Variants in TBC1D19 observed in about 807,000 individuals in gnomAD.
TBC1D19 encodes TBC1 domain family, member 19.
Under a neutral mutation model 89.0 loss-of-function variants are expected in TBC1D19, and 60 were observed. The ratio of observed to expected loss-of-function variants is 0.67; its 90% CI spans 0.55 to 0.84. The LOEUF (loss-of-function observed/expected upper bound fraction) is 0.84, where lower values mean the gene tolerates loss of function less well. TBC1D19 is among the 40% of genes least tolerant of loss of function. The pLI is 0.00. For missense variants in TBC1D19, 500 were observed against 610.8 expected (o/e 0.82, Z 1.91); for synonymous variants, 189 against 199.7 (o/e 0.95, Z 0.45).
At chr4:26,800,833 C>T in the TBC1D19 span, among the ~76,000 whole-genome samples, 546 of 150,288 alleles carry the variant, frequency 3.6e-3, 4 homozygotes, top group African/African-American at 0.012. Context: ...TCATATCCTT[C>T]GCCCACTTTT....
chr4:26,599,763 C>A (rs1453425344), intron 1 of TBC1D19, among the ~76,000 whole-genome samples: 1 of 151,974 alleles, frequency 6.6e-6, no homozygotes, highest in East Asian at 1.9e-4. Flanking sequence ...CTGGGCAACA[C>A]AGTGAAGCCA....
intron 15 of TBC1D19, among the ~76,000 whole-genome samples, chr4:26,721,843 T>C (rs1336221163): frequency 1.3e-5 from 2 of 152,204 alleles, no homozygotes; most frequent in Non-Finnish European, 2.9e-5. Flanking sequence ...TGCTGCTTCC[T>C]GTCTCATCAC....
At chr4:26,589,411 T>G (rs1337787264) in intron 1 of TBC1D19, among the ~76,000 whole-genome samples, 1 of 152,230 alleles carries the variant, frequency 6.6e-6, no homozygotes, top group Non-Finnish European at 1.5e-5. Flanking sequence ...TTCTGTCTCC[T>G]TGCCTGTTCC....
rs530689791 is a variant in TBC1D19, at chr4:26,576,798, G to A, written c.6+1G>A. 2.0e-5 allele frequency: 9 copies of A among 456,088 alleles called. No individual in the cohort carries two copies. Among genetic ancestry groups the A allele is most frequent in the Middle Eastern group, 3.2e-4 (1 of 3,098 alleles). 28.3% of individuals were successfully genotyped at this position (456,088 alleles called of 1,614,324 possible). On this transcript the variant is annotated splice_donor_variant, in intron 1 of 12. Coordinates refer to the TBC1D19 transcript ENST00000512840. LOFTEE classifies it high-confidence loss of function. ...AGTAAAATAAGACTCTGGGATGAAG[G>A]TATGACCAGGACAAGGGCCAGGTAT... is the stretch of plus-strand genomic sequence containing the variant.
chr4:26,605,295 C>T (rs368496122), intron 1 of TBC1D19, among the ~76,000 whole-genome samples: 2 of 144,516 alleles, frequency 1.4e-5, no homozygotes, highest in Non-Finnish European at 3.0e-5. Flanking sequence ...TGAGTGAGAA[C>T]ATGCGGTGTT....
At chr4:26,728,531 G>A (rs561240318) in intron 15 of TBC1D19, among the ~76,000 whole-genome samples, 109 of 152,188 alleles carry the variant, frequency 7.2e-4, no homozygotes, top group African/African-American at 2.4e-3. Flanking sequence ...AAAGATGGGC[G>A]GAAGAAAAAG....
At chr4:26,744,123 G>T (rs1274346103) in intron 18 of TBC1D19, among the ~76,000 whole-genome samples, 2 of 151,612 alleles carry the variant, frequency 1.3e-5, no homozygotes, top group East Asian at 3.9e-4. Context: ...AGCTTCAGTA[G>T]TTTATGTCTT....
At chr4:26,827,044 C>A in the TBC1D19 span, among the ~76,000 whole-genome samples, 1 of 152,084 alleles carries the variant, frequency 6.6e-6, no homozygotes, top group South Asian at 2.1e-4. Context: ...TTTATTGAAT[C>A]GTATCATGGA....
chr4:26,691,113 A>G (rs527543023), intron 13 of TBC1D19, among the ~76,000 whole-genome samples: 1 of 152,352 alleles, frequency 6.6e-6, no homozygotes, highest in African/African-American at 2.4e-5. Context: ...AGTAACGGTC[A>G]CTGTGGTGGG....
chr4:26,598,940 A>C (rs935531300), intron 1 of TBC1D19, among the ~76,000 whole-genome samples: 3 of 151,520 alleles, frequency 2.0e-5, no homozygotes, highest in African/African-American at 7.3e-5. Context: ...AAGTTAGAAA[A>C]TAGACAAAAT....
At chr4:26,793,967 T>C in the TBC1D19 span, among the ~76,000 whole-genome samples, 59 of 152,278 alleles carry the variant, frequency 3.9e-4, no homozygotes, top group Admixed American at 1.1e-3. Context: ...GACCATTGGC[T>C]GATCCCAGAC....
At chr4:26,843,273 A>G in the TBC1D19 span, among the ~76,000 whole-genome samples, 1 of 152,210 alleles carries the variant, frequency 6.6e-6, no homozygotes, top group Admixed American at 6.5e-5. Flanking sequence ...GTCCATACAT[A>G]TCAATGTCAC....
intron 13 of TBC1D19, among the ~76,000 whole-genome samples, chr4:26,701,353 GCTTTTGAAGTACTGTGTAGTA>G (rs1230783358): frequency 6.6e-6 from 1 of 152,064 alleles, no homozygotes; most frequent in Non-Finnish European, 1.5e-5. Context: ...TCTAATATGT[GCTTTTGAAGTACTGTGTAGTA>G]CTTTCCATAC....
chr4:26,637,665 C>T (rs887908245), intron 5 of TBC1D19, among the ~76,000 whole-genome samples: 2 of 152,088 alleles, frequency 1.3e-5, no homozygotes, highest in African/African-American at 4.8e-5. Flanking sequence ...AGCCACTGTG[C>T]CCGGCCTATT....
intron 1 of TBC1D19, among the ~76,000 whole-genome samples, chr4:26,591,730 A>C (rs991906013): frequency 3.3e-5 from 5 of 152,250 alleles, no homozygotes; most frequent in Admixed American, 3.3e-4. Context: ...ATAAACTAGA[A>C]AATCTGGAAG....
chr4:26,698,377 G>A (rs1221045047), intron 13 of TBC1D19, among the ~76,000 whole-genome samples: 2 of 152,160 alleles, frequency 1.3e-5, no homozygotes, highest in Admixed American at 6.5e-5. Flanking sequence ...ATAAACAAAT[G>A]CAAGAACATT....
chr4:26,588,268 G>A (rs1167526304), intron 1 of TBC1D19, among the ~76,000 whole-genome samples: 5 of 151,898 alleles, frequency 3.3e-5, no homozygotes, highest in African/African-American at 7.3e-5. Flanking sequence ...CTCGTGATCC[G>A]CCCGCCTTGG....
In TBC1D19 at chr4:26,751,923, C is replaced by T. The variant is rs1180224880; in HGVS notation, c.1436-1897C>T. 7.2e-5 allele frequency among the ~76,000 whole-genome samples: 11 copies of T among 152,310 alleles called. No homozygotes were observed. In the South Asian group the frequency reaches 2.3e-3, roughly 32 times the overall value. On this transcript the variant is annotated intron_variant, in intron 19 of 20. Coordinates refer to ENST00000264866, the MANE Select transcript of TBC1D19 (RefSeq NM_018317.4). ...ATTTTTAGGAAAGCACACAGATTTT[C>T]ATGTCAGAGATGAGTAGTTGCTGCT... is the stretch of plus-strand genomic sequence containing the variant.
chr4:26,636,956 CATT>C (rs945143176), intron 4 of TBC1D19, among the ~76,000 whole-genome samples: 2 of 152,116 alleles, frequency 1.3e-5, no homozygotes, highest in Non-Finnish European at 2.9e-5. Flanking sequence ...AATCTGTCCT[CATT>C]CCCATCCTCA....
Sources: gnomAD v4.1 joint callset for allele counts (sites outside exome capture counted in the v4.1 genomes callset) on GRCh38, gnomAD v4.1.1 for gene constraint, MANE v1.5 for transcripts, NCBI Gene and HGNC (gene_info 2026-07-23, HGNC 2026-07-21) for gene names.